Variants in PLEKHH2 observed in about 807,000 individuals in gnomAD.
The protein encoded by PLEKHH2 is pleckstrin homology domain-containing family H member 2.
PLEKHH2 carries 129 observed loss-of-function variants against 187.9 expected under a neutral mutation model. That is an observed-to-expected ratio of 0.69 (90% CI 0.59 to 0.79). PLEKHH2 has a LOEUF of 0.79. Among genes scored for constraint, PLEKHH2 ranks in the 30% least tolerant of loss-of-function variants. The pLI is 0.00. For missense variants in PLEKHH2, 2,076 were observed against 1,751.2 expected (o/e 1.19, Z -3.31); for synonymous variants, 686 against 605.6 (o/e 1.13, Z -1.95).
intron 5 of PLEKHH2, 115 bp from the exon 6 acceptor site, chr2:43,695,028 A>G (rs1165349844): frequency 2.1e-6 from 1 of 466,008 alleles, no homozygotes; most frequent in African/African-American, 2.0e-5. Context: ...TTTCCTTTGT[A>G]TTTTGCTTAC....
At position 43,700,328 on chromosome 2, in the gene PLEKHH2, A is replaced by G. The variant is rs773009001; in HGVS notation, c.1370A>G (p.His457Arg). ...FSISVALAKR[H>R]LSQPQLSSDR... ...ATAAGTGTAGCACTAGCCAAAAGGC[A>G]CTTAAGCCAGCCACAGTTAAGCTCT... The change falls in exon 8 of 30, where the codon CAC becomes CGC. Residue 457 changes from histidine to arginine, a missense_variant. Physicochemically the swap from His to Arg is conservative, Grantham distance 29 (BLOSUM62 0). Transcript: ENST00000282406. The G allele has an allele frequency of 1.9e-6, 3 of 1,614,066 alleles. No individual in the cohort carries two copies. The highest frequency in any genetic ancestry group is 1.3e-5 in the African/African-American group (1 of 74,932).
intron 5 of PLEKHH2, 102 bp from the exon 6 acceptor site, chr2:43,695,041 A>G (rs918151476): frequency 2.1e-5 from 12 of 560,458 alleles, no homozygotes; most frequent in Admixed American, 7.4e-5. Flanking sequence ...TTGCTTACAC[A>G]TGTAGAGAAA....
chr2:43,686,613 T>A (rs1179583329), intron 3 of PLEKHH2, among the ~76,000 whole-genome samples: 3 of 152,238 alleles, frequency 2.0e-5, no homozygotes, highest in Non-Finnish European at 2.9e-5. Flanking sequence ...CTTCATTATA[T>A]GGAAAGCAAA....
At chr2:43,678,198 C>T (rs1199477906) in intron 2 of PLEKHH2, among the ~76,000 whole-genome samples, 2 of 150,984 alleles carry the variant, frequency 1.3e-5, no homozygotes, top group African/African-American at 2.4e-5. Context: ...GGATGGCGGC[C>T]GGGCAGAGAT....
At chr2:43,728,432 C>A (rs558121258) in intron 17 of PLEKHH2, among the ~76,000 whole-genome samples, 1 of 141,174 alleles carries the variant, frequency 7.1e-6, no homozygotes, top group Admixed American at 7.2e-5. Context: ...GAATCGAGAT[C>A]GCGCCATTGC....
intron 6 of PLEKHH2, among the ~76,000 whole-genome samples, chr2:43,696,963 C>T (rs1669122684): frequency 6.6e-6 from 1 of 152,096 alleles, no homozygotes. Context: ...ATATTTTGAA[C>T]ATTCAAAATA....
chr2:43,764,641 C>G (rs1672555831), intron 29 of PLEKHH2, among the ~76,000 whole-genome samples: 1 of 152,190 alleles, frequency 6.6e-6, no homozygotes, highest in South Asian at 2.1e-4. Flanking sequence ...TTGTAGGGTA[C>G]TTAGCCCAAT....
At chr2:43,730,669 CAT>C in intron 18 of PLEKHH2, among the ~76,000 whole-genome samples, 1 of 152,234 alleles carries the variant, frequency 6.6e-6, no homozygotes, top group Non-Finnish European at 1.5e-5. Context: ...AAAGTGCTGG[CAT>C]TACAGGCATG....
chr2:43,703,951 A>G (rs968547343), intron 8 of PLEKHH2, 30 bp from the exon 9 acceptor site: 8 of 683,006 alleles, frequency 1.2e-5, no homozygotes, highest in African/African-American at 4.4e-5. Context: ...TGCTTTAAAT[A>G]CCCTGTTCAA....
In PLEKHH2 at chr2:43,710,018, A is replaced by G. The variant is rs1168604146; in HGVS notation, c.1995A>G (p.Glu665=). 6.2e-7 allele frequency: 1 copy of G among 1,612,570 alleles called. No homozygotes were observed. Among genetic ancestry groups the G allele is most frequent in the Admixed American group, 1.7e-5 (1 of 59,690 alleles). The change falls in exon 12 of 30, where the codon GAA becomes GAG. Residue 665 remains glutamate, a synonymous_variant. Coordinates refer to ENST00000282406, the MANE Select transcript of PLEKHH2 (RefSeq NM_172069.4). ...RGVSLSSVAS[E]SDYAIPPDAY... ...TGTCTCTCTCCTCTGTGGCTTCTGA[A>G]AGTGATTATGCTATTCCTCCTGATG...
intron 2 of PLEKHH2, among the ~76,000 whole-genome samples, chr2:43,670,349 T>C (rs1176902704): frequency 6.6e-6 from 1 of 152,102 alleles, no homozygotes; most frequent in African/African-American, 2.4e-5. Flanking sequence ...ACTCAGAAAA[T>C]ATTGTTCCCA....
chr2:43,676,442 T>G, intron 2 of PLEKHH2: 1 of 704,748 alleles, frequency 1.4e-6, no homozygotes, highest in Non-Finnish European at 2.2e-6. Flanking sequence ...CTGCGGGAGG[T>G]CGCTTCTCGG....
chr2:43,669,811 A>T (rs1667410292), intron 2 of PLEKHH2, among the ~76,000 whole-genome samples: 2 of 152,046 alleles, frequency 1.3e-5, no homozygotes, highest in African/African-American at 2.4e-5. Flanking sequence ...GGTTTGAGTG[A>T]TTCTCATGTC....
Position 43,738,513 on chromosome 2 carries a change from C to A in PLEKHH2, c.3116C>A (p.Pro1039Gln), listed in dbSNP as rs769146247. 4 of 1,606,072 alleles carry A rather than the reference C, an allele frequency of 2.5e-6. No individual in the cohort carries two copies. In the South Asian group the frequency reaches 3.3e-5, roughly 13 times the overall value. The change falls in exon 20 of 30, where the codon CCA (proline) becomes CAA (glutamine). Residue 1039 changes from proline to glutamine, a missense_variant. Transcript: ENST00000282406. The stretch of plus-strand genomic sequence containing the variant: ...AGACAGCCACAGAATCAACCAGGAC[C>A]ATTGCAGGTAGATATTAATATTGAT... The part of the protein sequence containing the change: ...RRRQPQNQPG[P>Q]LQGWQLLALC...
At chr2:43,725,174 T>C (rs956842334) in intron 16 of PLEKHH2, among the ~76,000 whole-genome samples, 3 of 152,194 alleles carry the variant, frequency 2.0e-5, no homozygotes, top group African/African-American at 7.2e-5. Context: ...CAGAGTTTTT[T>C]TTATCAGCTC....
intron 2 of PLEKHH2, among the ~76,000 whole-genome samples, chr2:43,665,796 G>T (rs1408440180): frequency 7.4e-6 from 1 of 135,654 alleles, no homozygotes; most frequent in Non-Finnish European, 1.6e-5. Context: ...CGGGGTCAGG[G>T]GTCAGGGACC....
In PLEKHH2 at chr2:43,702,527, C is replaced by CTTTTTTTTTTTTTTTTT. The variant is rs1167078689; in HGVS notation, c.1651-1448_1651-1432dup. On this transcript the variant is annotated intron_variant, in intron 8 of 29. Coordinates refer to ENST00000282406, the MANE Select transcript of PLEKHH2 (RefSeq NM_172069.4). ...TTTTATTTGGCAACCCATTCTACTACTTTTTTTTTTTTTTTTTTTTTTCCA... is the reference window on the plus strand; with the variant it reads ...TTTTATTTGGCAACCCATTCTACTACTTTTTTTTTTTTTTTTTTTTTTTTTTTTTTTTTTTTTTTCCA... Among the ~76,000 whole-genome samples the CTTTTTTTTTTTTTTTTT allele has an allele frequency of 3.0e-4, 17 of 57,392 alleles. 1 individual carries two copies. Among genetic ancestry groups the CTTTTTTTTTTTTTTTTT allele is most frequent in the African/African-American group, 4.8e-4 (5 of 10,490 alleles). 37.7% of individuals were successfully genotyped at this position (57,392 alleles called of 152,430 possible). A position where few individuals can be genotyped will look rare whatever the true frequency, so the allele number is the denominator to read the frequency against.
At chr2:43,654,705 C>G (rs1388904341) in intron 2 of PLEKHH2, among the ~76,000 whole-genome samples, 2 of 27,074 alleles carry the variant, frequency 7.4e-5, no homozygotes, top group African/African-American at 2.2e-4. Context: ...TAGTAAGACA[C>G]CCCCCCCCCC....
chr2:43,686,192 C>A (rs1668496815), intron 3 of PLEKHH2, among the ~76,000 whole-genome samples: 1 of 150,804 alleles, frequency 6.6e-6, no homozygotes, highest in Non-Finnish European at 1.5e-5. Flanking sequence ...TCTTCTTCTT[C>A]TTTCTTCTTC....
Sources: gnomAD v4.1 joint callset for allele counts (sites outside exome capture counted in the v4.1 genomes callset) on GRCh38, gnomAD v4.1.1 for gene constraint, MANE v1.5 for transcripts, NCBI Gene and HGNC (gene_info 2026-07-23, HGNC 2026-07-21) for gene names.